ACTR3: variants seen among roughly 807,000 people sequenced by gnomAD.
ACTR3 encodes actin related protein 3.
In ACTR3, 12 loss-of-function variants were observed where a neutral mutation model predicts 56.8. That is an observed-to-expected ratio of 0.21 (90% CI 0.14 to 0.34). The LOEUF (loss-of-function observed/expected upper bound fraction) is 0.34, where lower values mean the gene tolerates loss of function less well. Ranked by LOEUF, ACTR3 falls within the 10% of genes least tolerant of loss-of-function variation. ACTR3 has a pLI of 1.00. For synonymous variants in ACTR3, 162 were observed against 167.4 expected (o/e 0.97, Z 0.25); for missense variants, 282 against 512.5 (o/e 0.55, Z 4.34).
intron 6 of ACTR3, among the ~76,000 whole-genome samples, chr2:113,939,224 G>A (rs370369046): frequency 2.0e-5 from 3 of 151,654 alleles, no homozygotes; most frequent in African/African-American, 2.4e-5. Flanking sequence ...GGGTTTCACC[G>A]TGTTAGCCAG....
Position 113,961,645 on chromosome 2 carries a change from T to C in ACTR3, c.*4190T>C, listed in dbSNP as rs527812480. The stretch of plus-strand genomic sequence containing the variant: ...GAGCCTTCAATCCCAGAAGCATTGA[T>C]TGACTGTCTACTGTGGTTCAAGTAC... On this transcript the variant is annotated 3_prime_UTR_variant, in exon 12 of 12. Transcript: ENST00000263238. 2.0e-5 allele frequency: 3 copies of C among 152,094 alleles called. No homozygotes were observed. The highest frequency in any genetic ancestry group is 4.8e-5 in the African/African-American group (2 of 41,558). 9.4% of individuals were successfully genotyped at this position (152,094 alleles called of 1,614,324 possible).
chr2:113,899,957 G>A (rs929332617), intron 1 of ACTR3, among the ~76,000 whole-genome samples: 9 of 152,136 alleles, frequency 5.9e-5, no homozygotes, highest in Non-Finnish European at 1.0e-4. Flanking sequence ...TTTTAAATGG[G>A]GCAGAATGGT....
Position 113,951,726 on chromosome 2 carries a change from G to A in ACTR3, c.958G>A (p.Val320Ile). 6.2e-7 allele frequency: 1 copy of A among 1,605,504 alleles called. No individual in the cohort carries two copies. The highest frequency in any genetic ancestry group is 8.5e-7 in the Non-Finnish European group (1 of 1,174,598). The change falls in exon 10 of 12, where the codon GTC (valine) becomes ATC (isoleucine). Residue 320 changes from valine (V) to isoleucine (I), a missense_variant. Physicochemically the swap from Val to Ile is conservative, Grantham distance 29 (BLOSUM62 3). Transcript: ENST00000263238. ...TTTATTTTCTCTCCACTAGAATATT[G>A]TCCTCTCTGGAGGTTCAACCATGTT... ...DVRRPLYKNIVLSGGSTMFRD... is the reference protein window; with the variant it reads ...DVRRPLYKNIILSGGSTMFRD...
chr2:113,904,180 A>G (rs1679152218), intron 1 of ACTR3: 1 of 152,006 alleles, frequency 6.6e-6, no homozygotes, highest in African/African-American at 2.4e-5. Flanking sequence ...CCTTTTTGAT[A>G]TTGTCCTTGA....
chr2:113,928,532 A>T (rs901468192), intron 4 of ACTR3, among the ~76,000 whole-genome samples: 1 of 152,298 alleles, frequency 6.6e-6, no homozygotes, highest in African/African-American at 2.4e-5. Flanking sequence ...AAACTTTCTA[A>T]GGGAGCAGAT....
At chr2:113,891,453 C>T (rs2104575202) in intron 1 of ACTR3, among the ~76,000 whole-genome samples, 1 of 151,768 alleles carries the variant, frequency 6.6e-6, no homozygotes, top group South Asian at 2.1e-4. Context: ...CTCATAACTG[C>T]ATAGAGAATA....
At chr2:113,890,983 A>C (rs1049489895) in intron 1 of ACTR3, among the ~76,000 whole-genome samples, 1 of 152,166 alleles carries the variant, frequency 6.6e-6, no homozygotes, top group Non-Finnish European at 1.5e-5. Context: ...GAAAGATGTC[A>C]TGTGTTACTT....
chr2:113,927,833 C>A (rs1368634873), intron 4 of ACTR3, among the ~76,000 whole-genome samples: 1 of 152,010 alleles, frequency 6.6e-6, no homozygotes, highest in Non-Finnish European at 1.5e-5. Context: ...TTTTATTAAA[C>A]ATCTTTTTAT....
chr2:113,890,260 A>G lies in ACTR3; in HGVS notation c.-20A>G, dbSNP rs376457375. ...GCACGGAGCAGACGGCGGCAGCAGCAGCAGCAGGCGAGGAGGAAGATGGCG... is the reference window on the plus strand; with the variant it reads ...GCACGGAGCAGACGGCGGCAGCAGCGGCAGCAGGCGAGGAGGAAGATGGCG... On this transcript the variant is annotated 5_prime_UTR_variant, in exon 1 of 12. Transcript: ENST00000263238. 5 of 1,543,374 alleles carry G rather than the reference A, an allele frequency of 3.2e-6. No homozygotes were observed. In the African/African-American group the frequency reaches 5.5e-5, roughly 17 times the overall value.
intron 8 of ACTR3, 85 bp downstream of exon 8, chr2:113,942,444 C>A: frequency 1.1e-6 from 1 of 880,766 alleles, no homozygotes; most frequent in Non-Finnish European, 1.6e-6. Context: ...ATCTCAGAAA[C>A]TTTTATTAGT....
intron 1 of ACTR3, among the ~76,000 whole-genome samples, chr2:113,903,179 A>G (rs1270152203): frequency 6.6e-6 from 1 of 152,212 alleles, no homozygotes; most frequent in East Asian, 1.9e-4. Context: ...CTGCCGTGCT[A>G]CTTATTTATC....
At position 113,957,655 on chromosome 2, in the gene ACTR3, A is replaced by G. The variant is rs1680241214; in HGVS notation, c.*200A>G. 2.1e-6 allele frequency: 1 copy of G among 468,050 alleles called. No individual in the cohort carries two copies. Among genetic ancestry groups the G allele is most frequent in the Admixed American group, 3.4e-5 (1 of 29,116 alleles). The allele number at this position is 468,050 out of a possible 1,614,324, so 29.0% of individuals were successfully genotyped here. A position where few individuals can be genotyped will look rare whatever the true frequency, so the allele number is the denominator to read the frequency against. ...AGCGAAAGTGATTGTGTTTTTCTTT[A>G]GATTGAATATTTGAATCTTATGTGT... On this transcript the variant is annotated 3_prime_UTR_variant, in exon 12 of 12. Transcript: ENST00000263238.
At chr2:113,890,700 T>G in intron 1 of ACTR3, 1 of 1,111,936 alleles carries the variant, frequency 9.0e-7, no homozygotes, top group Non-Finnish European at 1.1e-6. Context: ...GCGCCCGTTT[T>G]TGCCAGTCGG....
chr2:113,927,565 A>C, intron 4 of ACTR3, 110 bp downstream of exon 4: 1 of 666,606 alleles, frequency 1.5e-6, no homozygotes. Flanking sequence ...CATATGTCTA[A>C]ATGACTTTGT....
At chr2:113,936,967 AT>A (rs1679839408) in intron 6 of ACTR3, among the ~76,000 whole-genome samples, 2 of 152,198 alleles carry the variant, frequency 1.3e-5, no homozygotes. Flanking sequence ...ACCCTAATGA[AT>A]TCATTTTAAC....
intron 4 of ACTR3, 65 bp downstream of exon 4, chr2:113,927,520 C>A (rs2104605821): frequency 9.7e-7 from 1 of 1,032,934 alleles, no homozygotes; most frequent in East Asian, 2.4e-5. Context: ...ACATTTTCAT[C>A]ATACTTCTTT....
At chr2:113,936,071 C>A (rs1379214157) in intron 6 of ACTR3, among the ~76,000 whole-genome samples, 2 of 152,044 alleles carry the variant, frequency 1.3e-5, no homozygotes, top group Non-Finnish European at 2.9e-5. Context: ...GGTGGGCAGA[C>A]TGCTTGAGCC....
upstream of ACTR3, chr2:113,889,952 C>A (rs1678848223): frequency 3.8e-6 from 2 of 531,110 alleles, no homozygotes; most frequent in South Asian, 4.8e-5. Flanking sequence ...GCGTCGGCAC[C>A]GGCGGCCATC....
At chr2:113,947,489 C>CA (rs1159295099) in intron 8 of ACTR3, among the ~76,000 whole-genome samples, 1 of 151,978 alleles carries the variant, frequency 6.6e-6, no homozygotes, top group Non-Finnish European at 1.5e-5. Context: ...CCGTCTCTAC[C>CA]AAAAAAATAC....
Sources: gnomAD v4.1 joint callset for allele counts (sites outside exome capture counted in the v4.1 genomes callset) on GRCh38, gnomAD v4.1.1 for gene constraint, MANE v1.5 for transcripts, NCBI Gene and HGNC (gene_info 2026-07-23, HGNC 2026-07-21) for gene names.